Variants in CCSER1 observed in about 807,000 individuals in gnomAD.
CCSER1 encodes coiled-coil serine rich protein 1, also known as serine-rich coiled-coil domain-containing protein 1.
In CCSER1, 41 loss-of-function variants were observed where a neutral mutation model predicts 82.0. The ratio of observed to expected loss-of-function variants is 0.50; its 90% CI spans 0.39 to 0.65. CCSER1 has a LOEUF of 0.65. Ranked by LOEUF, CCSER1 falls within the 30% of genes least tolerant of loss-of-function variation. The pLI, the probability that CCSER1 is intolerant of heterozygous loss-of-function variation, is 0.00. For synonymous variants in CCSER1, 414 were observed against 383.9 expected (o/e 1.08, Z -0.92); for missense variants, 1,119 against 1,064.2 (o/e 1.05, Z -0.72).
chr4:90,588,434 C>A (rs1322176287), intron 5 of CCSER1, among the ~76,000 whole-genome samples: 3 of 152,190 alleles, frequency 2.0e-5, no homozygotes, highest in African/African-American at 4.8e-5. Context: ...TTATAAGAAG[C>A]AACTTCTCAA....
chr4:90,704,708 C>T (rs540031278), intron 6 of CCSER1, among the ~76,000 whole-genome samples: 57 of 152,302 alleles, frequency 3.7e-4, no homozygotes, highest in African/African-American at 1.3e-3. Flanking sequence ...TCTCTTCTCA[C>T]TTCATTTCAT....
At chr4:90,256,222 C>A (rs1723263044) in intron 1 of CCSER1, among the ~76,000 whole-genome samples, 1 of 152,118 alleles carries the variant, frequency 6.6e-6, no homozygotes, top group Admixed American at 6.6e-5. Context: ...TGCTCAAAAT[C>A]TTCCTGCAGT....
chr4:91,555,407 A>G (rs865944035), intron 10 of CCSER1, among the ~76,000 whole-genome samples: 14 of 151,150 alleles, frequency 9.3e-5, no homozygotes, highest in Middle Eastern at 3.2e-3. Context: ...TGTGACTAGT[A>G]TCAACTAAAT....
chr4:90,847,147 C>T (rs1763323503), intron 8 of CCSER1, among the ~76,000 whole-genome samples: 2 of 152,058 alleles, frequency 1.3e-5, no homozygotes, highest in Admixed American at 1.3e-4. Context: ...ATGTATTAAC[C>T]AACACTTACT....
intron 5 of CCSER1, among the ~76,000 whole-genome samples, chr4:90,472,630 T>C (rs1764548471): frequency 6.6e-6 from 1 of 152,210 alleles, no homozygotes; most frequent in Admixed American, 6.5e-5. Flanking sequence ...GGGATTTTAC[T>C]TCACTTCTGA....
intron 9 of CCSER1, among the ~76,000 whole-genome samples, chr4:91,032,922 C>A (rs1386751115): frequency 1.3e-5 from 2 of 152,168 alleles, no homozygotes; most frequent in Admixed American, 6.6e-5. Flanking sequence ...TGATCTAGAG[C>A]AAGACTTCTT....
intron 9 of CCSER1, among the ~76,000 whole-genome samples, chr4:90,944,564 T>G (rs1482350926): frequency 6.6e-6 from 1 of 152,196 alleles, no homozygotes; most frequent in Non-Finnish European, 1.5e-5. Flanking sequence ...AGAAGTTTTT[T>G]GGAATTACCT....
At chr4:91,042,958 A>G (rs1742104143) in intron 9 of CCSER1, among the ~76,000 whole-genome samples, 1 of 152,198 alleles carries the variant, frequency 6.6e-6, no homozygotes. Context: ...AGAAAGCAAA[A>G]TAATCTTGCC....
rs142613720 is a variant in CCSER1, at chr4:91,257,348, A to G, written c.2217+171354A>G. Among the ~76,000 whole-genome samples the G allele has an allele frequency of 1.2e-3, 180 of 152,200 alleles. 2 individuals are homozygous for G. Among genetic ancestry groups the G allele is most frequent in the African/African-American group, 4.2e-3 (175 of 41,532 alleles). On this transcript the variant is annotated intron_variant, in intron 10 of 10. Coordinates refer to ENST00000509176, the MANE Select transcript of CCSER1 (RefSeq NM_001145065.2). Reference sequence around the variant, plus strand: ...TTTCAAAAAGAAAGTTCAGACAGTAATTAATCCTAATTTTTTTTAATATCA... The same window carrying G: ...TTTCAAAAAGAAAGTTCAGACAGTAGTTAATCCTAATTTTTTTTAATATCA...
chr4:90,604,736 G>T (rs1784424710), intron 5 of CCSER1, among the ~76,000 whole-genome samples: 1 of 152,138 alleles, frequency 6.6e-6, no homozygotes. Context: ...GCGCCAATCA[G>T]TGCTGTGTGT....
intron 9 of CCSER1, among the ~76,000 whole-genome samples, chr4:90,936,032 A>G (rs1730890932): frequency 6.6e-6 from 1 of 152,048 alleles, no homozygotes; most frequent in Admixed American, 6.6e-5. Context: ...AAGTAGAAAT[A>G]TATTATTTAA....
chr4:90,860,676 G>A (rs13131449), intron 8 of CCSER1, among the ~76,000 whole-genome samples: 10,915 of 151,618 alleles, frequency 0.072, 442 homozygotes, highest in Non-Finnish European at 0.091. Flanking sequence ...TATTCATACG[G>A]TAAAACATTA....
At chr4:90,961,953 A>G (rs1427488964) in intron 9 of CCSER1, among the ~76,000 whole-genome samples, 1 of 152,152 alleles carries the variant, frequency 6.6e-6, no homozygotes, top group Non-Finnish European at 1.5e-5. Context: ...CAGAATGCTT[A>G]GATAATCACA....
intron 10 of CCSER1, among the ~76,000 whole-genome samples, chr4:91,165,988 TGCAGAAATCAC>T (rs1732017715): frequency 6.6e-6 from 1 of 152,234 alleles, no homozygotes; most frequent in East Asian, 1.9e-4. Context: ...CAGTAGGAAA[TGCAGAAATCAC>T]CGTTTTCTGC....
chr4:90,501,300 C>T (rs1769832605), intron 5 of CCSER1, among the ~76,000 whole-genome samples: 2 of 152,166 alleles, frequency 1.3e-5, no homozygotes, highest in South Asian at 4.1e-4. Context: ...ACTTAAATTT[C>T]CGGTCTTTAA....
rs1040611510 is a variant in CCSER1 at position 91,600,131 on chromosome 4, G to T, written c.*1074G>T. On this transcript the variant is annotated 3_prime_UTR_variant, in exon 11 of 11. Transcript: ENST00000509176. ...AAAAGTAAAGTAAATGTGAACATTG[G>T]CAATTTAATCTTAGAAATAAGCTTC... 2 of 151,992 alleles carry T rather than the reference G, an allele frequency of 1.3e-5. No individual in the cohort carries two copies. The highest frequency in any genetic ancestry group is 2.9e-5 in the Non-Finnish European group (2 of 67,980). 9.4% of individuals were successfully genotyped at this position (151,992 alleles called of 1,614,324 possible).
chr4:91,510,708 T>A lies in CCSER1; in HGVS notation c.2218-87864T>A, dbSNP rs540018450. On this transcript the variant is annotated intron_variant, in intron 10 of 10. Transcript: ENST00000509176. ...CTTATTGATTTCTTTAAGTTCCTTA[T>A]AGATCTGGATATCATACCTTTTTTG... 2.0e-4 allele frequency among the ~76,000 whole-genome samples: 31 copies of A among 152,328 alleles called. No homozygotes were observed. The South Asian group carries it at 6.0e-3, about 30-fold the overall frequency.
At chr4:91,515,924 C>T (rs1760090395) in intron 10 of CCSER1, among the ~76,000 whole-genome samples, 1 of 143,340 alleles carries the variant, frequency 7.0e-6, no homozygotes, top group Non-Finnish European at 1.5e-5. Context: ...GAGAAGGTAT[C>T]TCATTGTCGT....
chr4:90,225,231 A>ATTTTTTT (rs57188209), intron 1 of CCSER1, among the ~76,000 whole-genome samples: 48 of 111,858 alleles, frequency 4.3e-4, no homozygotes, highest in African/African-American at 1.1e-3. Flanking sequence ...TACCCGGCTA[A>ATTTTTTT]TTTTTTTTTT....
Sources: gnomAD v4.1 joint callset for allele counts (sites outside exome capture counted in the v4.1 genomes callset) on GRCh38, gnomAD v4.1.1 for gene constraint, MANE v1.5 for transcripts, NCBI Gene and HGNC (gene_info 2026-07-23, HGNC 2026-07-21) for gene names.